PLEKHA8: variants seen among roughly 807,000 people sequenced by gnomAD.
PLEKHA8 encodes pleckstrin homology domain containing A8.
PLEKHA8 carries 36 observed loss-of-function variants against 68.2 expected under a neutral mutation model. The ratio of observed to expected loss-of-function variants is 0.53; its 90% confidence interval spans 0.40 to 0.70. The LOEUF is 0.70. Among genes scored for constraint, PLEKHA8 ranks in the 30% least tolerant of loss-of-function variants. The pLI is 0.00. For synonymous variants in PLEKHA8, 211 were observed against 216.1 expected (o/e 0.98, Z 0.20); for missense variants, 505 against 615.4 (o/e 0.82, Z 1.90).
chr7:30,071,844 T>G (rs1794258314), intron 12 of PLEKHA8: 2 of 152,262 alleles, frequency 1.3e-5, no homozygotes, highest in African/African-American at 4.8e-5. Context: ...CTGTACACCC[T>G]CTTGCCAGCC....
intron 7 of PLEKHA8, among the ~76,000 whole-genome samples, chr7:30,053,829 TG>T (rs1212429279): frequency 1.3e-5 from 2 of 152,226 alleles, no homozygotes. Context: ...CTCTTGCTCC[TG>T]GGGGAAATAC....
intron 13 of PLEKHA8, among the ~76,000 whole-genome samples, chr7:30,101,649 G>T (rs1252356932): frequency 6.6e-6 from 1 of 152,106 alleles, no homozygotes; most frequent in Non-Finnish European, 1.5e-5. Context: ...ATGAATTTGG[G>T]GAGAACACAG....
chr7:30,118,609 G>T (rs1796640639), intron 13 of PLEKHA8, among the ~76,000 whole-genome samples: 1 of 145,844 alleles, frequency 6.9e-6, no homozygotes, highest in African/African-American at 2.6e-5. Context: ...ACGGAGTCTT[G>T]CTCTGTCGCC....
At chr7:30,031,172 A>G (rs372489776) in intron 1 of PLEKHA8, among the ~76,000 whole-genome samples, 66 of 152,336 alleles carry the variant, frequency 4.3e-4, no homozygotes, top group African/African-American at 1.5e-3. Flanking sequence ...AGGGGAAGCA[A>G]TGTTGAACAA....
chr7:30,086,985 A>G (rs754550350), downstream of PLEKHA8, among the ~76,000 whole-genome samples: 46 of 152,236 alleles, frequency 3.0e-4, no homozygotes, highest in Non-Finnish European at 5.4e-4. Flanking sequence ...GTCTGACATC[A>G]GCACTGAGGA....
intron 7 of PLEKHA8, among the ~76,000 whole-genome samples, chr7:30,053,566 C>G (rs1402285093): frequency 2.0e-5 from 3 of 152,076 alleles, no homozygotes; most frequent in African/African-American, 4.8e-5. Context: ...CTGAGAGAGA[C>G]AATCCACACA....
Position 30,062,679 on chromosome 7 carries a change from A to G in PLEKHA8, c.1237A>G (p.Lys413Glu), listed in dbSNP as rs41275985. The change falls in exon 12 of 14, where the codon AAA (lysine) becomes GAA (glutamate). Residue 413 changes from lysine (K) to glutamate (E), a missense_variant. By Grantham distance (56) the Lys-to-Glu change is moderately conservative (BLOSUM62 1). Transcript: ENST00000449726. Reference sequence around the variant, plus strand: ...TCCTTTATTTTGTTTTAGAGGTCTCAAATTTTTGAAGGGATTTTTGACAGA... The same window carrying G: ...TCCTTTATTTTGTTTTAGAGGTCTCGAATTTTTGAAGGGATTTTTGACAGA... ...EALLWLKRGL[K>E]FLKGFLTEVK... is the part of the protein sequence containing the mutation. 4,156 of 1,611,920 alleles carry G rather than the reference A, an allele frequency of 2.6e-3. 4 individuals are homozygous for G. Among genetic ancestry groups the G allele is most frequent in the Non-Finnish European group, 3.2e-3 (3,774 of 1,178,058 alleles).
chr7:30,129,721 C>G (rs1306931453), downstream of PLEKHA8: 1 of 187,624 alleles, frequency 5.3e-6, no homozygotes, highest in Non-Finnish European at 1.1e-5. Flanking sequence ...TTTATTTTCT[C>G]AGATCCTTAT....
chr7:30,106,122 G>A (rs768376680), intron 13 of PLEKHA8, among the ~76,000 whole-genome samples: 63 of 150,714 alleles, frequency 4.2e-4, no homozygotes, highest in Non-Finnish European at 7.8e-4. Flanking sequence ...GCAGTGGCAC[G>A]ATCTTGGTTC....
chr7:30,124,418 TTGTG>T (rs1796740680), intron 13 of PLEKHA8, among the ~76,000 whole-genome samples: 1 of 152,186 alleles, frequency 6.6e-6, no homozygotes, highest in Non-Finnish European at 1.5e-5. Context: ...AAATGTCAGT[TTGTG>T]TGGGATAAAA....
At chr7:30,092,893 G>T (rs1795473064), downstream of PLEKHA8, among the ~76,000 whole-genome samples, 1 of 152,188 alleles carries the variant, frequency 6.6e-6, no homozygotes, top group South Asian at 2.1e-4. Flanking sequence ...ATCAAGTCAT[G>T]CCTGGGGCCA....
chr7:30,042,616 C>T (rs1439670369), intron 1 of PLEKHA8, among the ~76,000 whole-genome samples: 1 of 152,158 alleles, frequency 6.6e-6, no homozygotes, highest in Non-Finnish European at 1.5e-5. Flanking sequence ...AGGGGCAGTA[C>T]AGAAAGATAG....
At chr7:30,065,806 T>G (rs981323709) in intron 12 of PLEKHA8, among the ~76,000 whole-genome samples, 5 of 152,180 alleles carry the variant, frequency 3.3e-5, no homozygotes, top group African/African-American at 1.2e-4. Context: ...AAACTGAGGT[T>G]TAAAGAGGAT....
At chr7:30,074,967 C>T (rs1794523313) in intron 13 of PLEKHA8, 1 of 152,116 alleles carries the variant, frequency 6.6e-6, no homozygotes, top group Admixed American at 6.5e-5. Flanking sequence ...TGATTCTTCC[C>T]ATCCAGGAAA....
chr7:30,089,336 G>GC (rs377128574), downstream of PLEKHA8, among the ~76,000 whole-genome samples: 17 of 76,218 alleles, frequency 2.2e-4, no homozygotes, highest in South Asian at 8.3e-4. Flanking sequence ...CAAGAAGCCC[G>GC]CCCCCCCACT....
At chr7:30,077,182 C>T (rs1363529064) in intron 13 of PLEKHA8, among the ~76,000 whole-genome samples, 1 of 152,148 alleles carries the variant, frequency 6.6e-6, no homozygotes, top group African/African-American at 2.4e-5. Flanking sequence ...TCTACTGTTA[C>T]TATTGTGAAA....
At chr7:30,123,743 A>C (rs1352201683) in intron 13 of PLEKHA8, among the ~76,000 whole-genome samples, 1 of 152,166 alleles carries the variant, frequency 6.6e-6, no homozygotes. Context: ...CACAGAGGAA[A>C]ACAGAACCAA....
downstream of PLEKHA8, among the ~76,000 whole-genome samples, chr7:30,095,126 G>A (rs1186601921): frequency 1.3e-5 from 2 of 152,180 alleles, no homozygotes; most frequent in African/African-American, 2.4e-5. Flanking sequence ...GGTTGAACTA[G>A]TTTACAGTCC....
chr7:30,105,725 C>T (rs776416835), intron 13 of PLEKHA8, among the ~76,000 whole-genome samples: 10 of 152,138 alleles, frequency 6.6e-5, no homozygotes, highest in Non-Finnish European at 7.3e-5. Flanking sequence ...ATAAGTTTAC[C>T]GGCCACTCAA....
Sources: gnomAD v4.1 joint callset for allele counts (sites outside exome capture counted in the v4.1 genomes callset) on GRCh38, gnomAD v4.1.1 for gene constraint, MANE v1.5 for transcripts, NCBI Gene and HGNC (gene_info 2026-07-23, HGNC 2026-07-21) for gene names.